The following ABL1 variants were observed in gnomAD, a reference collection of about 807,000 sequenced individuals.
The protein encoded by ABL1 is ABL proto-oncogene 1, non-receptor tyrosine kinase.
A neutral mutation model predicts 94.7 loss-of-function variants in ABL1; 11 were observed. That is an observed-to-expected ratio of 0.12 (90% CI 0.07 to 0.19). The LOEUF (loss-of-function observed/expected upper bound fraction) is 0.19, where lower values mean the gene tolerates loss of function less well. Ranked by LOEUF, ABL1 falls within the 10% of genes least tolerant of loss-of-function variation. ABL1 has a pLI of 1.00. For missense variants in ABL1, 1,082 were observed against 1,489.4 expected, an observed-to-expected ratio of 0.73 and a Z score of 4.50; for synonymous variants, 656 against 622.4, an observed-to-expected ratio of 1.05 and a Z score of -0.80.
rs892659415 is a variant in ABL1 at position 130,853,016 on chromosome 9, G to A, written c.80-1048G>A. ...GGAAGAACAGGCAGTGAAGGTGTGC[G>A]TCTGTTACGGAGAATAGGACTCCAG... On this transcript the variant is annotated intron_variant, in intron 1 of 10. Transcript: ENST00000318560. Among the ~76,000 whole-genome samples, 3 of 152,124 alleles carry A rather than the reference G, an allele frequency of 2.0e-5. No homozygotes were observed. In the East Asian group the frequency reaches 5.8e-4, roughly 29 times the overall value.
chr9:130,821,427 T>G (rs1438328851), intron 1 of ABL1, among the ~76,000 whole-genome samples: 1 of 152,182 alleles, frequency 6.6e-6, no homozygotes. Context: ...CCCAGCATGT[T>G]TTTGAGGTTT....
chr9:130,761,817 A>G (rs1832118612), intron 1 of ABL1, among the ~76,000 whole-genome samples: 1 of 152,122 alleles, frequency 6.6e-6, no homozygotes, highest in South Asian at 2.1e-4. Context: ...TATTCATCAC[A>G]TTACAAAATA....
intron 1 of ABL1, among the ~76,000 whole-genome samples, chr9:130,813,256 C>T (rs938778031): frequency 2.7e-5 from 4 of 149,452 alleles, no homozygotes; most frequent in Admixed American, 6.7e-5. Flanking sequence ...TAAGCTGATT[C>T]AATTTGTAGA....
In ABL1 at chr9:130,751,296, G is replaced by A. The variant is rs150019281; in HGVS notation, c.136+36841G>A. On this transcript the variant is annotated intron_variant, in intron 1 of 10. Transcript: ENST00000372348. The stretch of plus-strand genomic sequence containing the variant: ...AGCTGGGACTACAGGCACGTGCCAC[G>A]ACACCCAGCTAAATTTTTGTATTTT... 5.2e-3 allele frequency among the ~76,000 whole-genome samples: 780 copies of A among 151,160 alleles called. 4 individuals carry two copies. Among genetic ancestry groups the A allele is most frequent in the Non-Finnish European group, 8.1e-3 (551 of 67,784 alleles).
At chr9:130,875,220 C>T (rs536486279) in intron 7 of ABL1, among the ~76,000 whole-genome samples, 168 bp downstream of exon 7, 1 of 152,266 alleles carries the variant, frequency 6.6e-6, no homozygotes, top group Admixed American at 6.5e-5. Flanking sequence ...TGGCTCATTG[C>T]AGCCTCTCCC....
chr9:130,728,248 T>TTTTTTTTTTTGTG (rs1554757228), intron 1 of ABL1, among the ~76,000 whole-genome samples: 1 of 148,626 alleles, frequency 6.7e-6, no homozygotes, highest in South Asian at 2.1e-4. Flanking sequence ...TTTTTTTTTT[T>TTTTTTTTTTTGTG]GTGGAGACGG....
At chr9:130,804,507 C>G (rs1564294784) in intron 1 of ABL1, among the ~76,000 whole-genome samples, 1 of 152,166 alleles carries the variant, frequency 6.6e-6, no homozygotes, top group South Asian at 2.1e-4. Context: ...TCGCTTGAAC[C>G]CGGGAGGTGG....
intron 1 of ABL1, among the ~76,000 whole-genome samples, chr9:130,840,061 G>A (rs993839390): frequency 1.2e-4 from 19 of 152,170 alleles, no homozygotes; most frequent in Non-Finnish European, 2.1e-4. Flanking sequence ...AGGGAGCCTG[G>A]CACAGAACAA....
intron 1 of ABL1, among the ~76,000 whole-genome samples, chr9:130,845,408 C>G (rs1019345375): frequency 2.0e-5 from 3 of 151,728 alleles, no homozygotes; most frequent in African/African-American, 7.3e-5. Context: ...GTGATGCAAT[C>G]TTGGCTCACT....
At chr9:130,786,067 T>A (rs776866332) in intron 1 of ABL1, among the ~76,000 whole-genome samples, 2 of 151,022 alleles carry the variant, frequency 1.3e-5, no homozygotes, top group Non-Finnish European at 2.9e-5. Context: ...GAGGGGAGCA[T>A]GCCACGCCAC....
At chr9:130,724,305 AATG>A (rs1459428208) in intron 1 of ABL1, among the ~76,000 whole-genome samples, 1 of 152,188 alleles carries the variant, frequency 6.6e-6, no homozygotes, top group Admixed American at 6.5e-5. Flanking sequence ...TCTTGATAAG[AATG>A]ATATTAAATG....
At position 130,841,293 on chromosome 9, in the gene ABL1, G is replaced by A. The variant is rs186344031; in HGVS notation, c.79+5768G>A. 1.3e-3 allele frequency among the ~76,000 whole-genome samples: 200 copies of A among 151,746 alleles called. 1 individual carries two copies. Among genetic ancestry groups the A allele is most frequent in the Non-Finnish European group, 2.5e-3 (169 of 67,902 alleles). ...CTCCCTAGTAGAGGGTACTACAGGCGCCCGGGGGTTTCACCATGTTAGCCA... is the reference window on the plus strand; with the variant it reads ...CTCCCTAGTAGAGGGTACTACAGGCACCCGGGGGTTTCACCATGTTAGCCA... On this transcript the variant is annotated intron_variant, in intron 1 of 10. Coordinates refer to ENST00000318560, the MANE Select transcript of ABL1 (RefSeq NM_005157.6).
intron 1 of ABL1, among the ~76,000 whole-genome samples, chr9:130,840,816 G>A (rs1830659325): frequency 6.6e-6 from 1 of 152,012 alleles, no homozygotes; most frequent in Non-Finnish European, 1.5e-5. Context: ...ACTGCACCCA[G>A]CCTAAAACTG....
intron 1 of ABL1, among the ~76,000 whole-genome samples, chr9:130,812,607 A>G (rs1830224143): frequency 6.6e-6 from 1 of 152,232 alleles, no homozygotes. Context: ...TTATTTCATA[A>G]TAATAAAGAG....
At chr9:130,743,122 G>A (rs1831840300) in intron 1 of ABL1, among the ~76,000 whole-genome samples, 1 of 152,182 alleles carries the variant, frequency 6.6e-6, no homozygotes, top group South Asian at 2.1e-4. Context: ...GCCCAGGCTA[G>A]AGTGCAGTGG....
At chr9:130,731,297 G>T (rs1189779756) in intron 1 of ABL1, among the ~76,000 whole-genome samples, 1 of 152,080 alleles carries the variant, frequency 6.6e-6, no homozygotes, top group Non-Finnish European at 1.5e-5. Flanking sequence ...GTGAGCCACT[G>T]CGTCCGGCTG....
At chr9:130,801,633 A>G (rs762109134) in intron 1 of ABL1, among the ~76,000 whole-genome samples, 2 of 152,178 alleles carry the variant, frequency 1.3e-5, no homozygotes, top group Non-Finnish European at 2.9e-5. Context: ...GAGAGTATAG[A>G]GGTTGACAAG....
chr9:130,881,888 CA>C (rs1178368722), intron 10 of ABL1, among the ~76,000 whole-genome samples: 6 of 118,800 alleles, frequency 5.1e-5, no homozygotes, highest in East Asian at 2.0e-4. Context: ...AAAAAAAAAA[CA>C]AAAAAAAACA....
At chr9:130,804,276 G>T (rs1166307870) in intron 1 of ABL1, among the ~76,000 whole-genome samples, 2 of 147,702 alleles carry the variant, frequency 1.4e-5, no homozygotes, top group African/African-American at 2.6e-5. Flanking sequence ...GAAAAACGGC[G>T]TGAACCCAGG....
Sources: gnomAD v4.1 joint callset for allele counts (sites outside exome capture counted in the v4.1 genomes callset) on GRCh38, gnomAD v4.1.1 for gene constraint, MANE v1.5 for transcripts, NCBI Gene and HGNC (gene_info 2026-07-23, HGNC 2026-07-21) for gene names.